Variants in CHDH observed in about 807,000 individuals in gnomAD.
CHDH encodes the protein choline dehydrogenase, mitochondrial.
A neutral mutation model predicts 56.9 loss-of-function variants in CHDH; 43 were observed. That is an observed-to-expected ratio of 0.76 (90% CI 0.59 to 0.97). CHDH has a LOEUF of 0.97. CHDH is among the 50% of genes least tolerant of loss of function. The probability of loss-of-function intolerance (pLI) is 0.00; values close to 1 mark genes in which losing one functional copy is unlikely to be tolerated. For missense variants in CHDH, 816 were observed against 821.1 expected (o/e 0.99, Z 0.08); for synonymous variants, 364 against 348.5 (o/e 1.04, Z -0.50).
chr3:53,820,488 A>G lies in CHDH; in HGVS notation c.1106T>C (p.Leu369Pro), dbSNP rs774781009. Reference sequence around the variant, plus strand: ...AGCGTGCTCACCTGTGAATTTCCAGAGCCACTCCAGACCAATGCAGACCTT... The same window carrying G: ...AGCGTGCTCACCTGTGAATTTCCAGGGCCACTCCAGACCAATGCAGACCTT... Reference protein sequence around the residue: ...LRKVCIGLEWLWKFTGEGATA... With the variant: ...LRKVCIGLEWPWKFTGEGATA... The change falls in exon 6 of 9, where the codon CTC (leucine) becomes CCC (proline). Residue 369 changes from leucine (L) to proline (P), a missense_variant. By Grantham distance (98) the Leu-to-Pro change is moderately conservative. Coordinates refer to ENST00000315251, the MANE Select transcript of CHDH (RefSeq NM_018397.5). 2 of 1,612,642 alleles carry G rather than the reference A, an allele frequency of 1.2e-6. No homozygotes were observed. The highest frequency in any genetic ancestry group is 1.7e-6 in the Non-Finnish European group (2 of 1,179,270).
chr3:53,821,596 C>G, intron 5 of CHDH, 51 bp downstream of exon 5: 1 of 1,560,764 alleles, frequency 6.4e-7, no homozygotes, highest in Non-Finnish European at 8.8e-7. Context: ...TACACTAAGC[C>G]TTTTGTTGAG....
Position 53,819,373 on chromosome 3 carries a change from T to A in CHDH, c.1263+159A>T, listed in dbSNP as rs1241318087. Among the ~76,000 whole-genome samples, 3 of 152,166 alleles carry A rather than the reference T, an allele frequency of 2.0e-5. No individual in the cohort carries two copies. Among genetic ancestry groups the A allele is most frequent in the African/African-American group, 7.2e-5 (3 of 41,436 alleles). ...TACCATTGGCATGCACCACGCAGACTGACACGCTGGGCAGCTGGAAGGCAG... is the reference window on the plus strand; with the variant it reads ...TACCATTGGCATGCACCACGCAGACAGACACGCTGGGCAGCTGGAAGGCAG... On this transcript the variant is annotated intron_variant, in intron 7 of 8. Transcript: ENST00000315251. This position sits in a 1 kb window ranked among gnomAD's most constrained non-coding sequence, Gnocchi z 5.4.
At chr3:53,828,057 C>T (rs2095642059) in intron 2 of CHDH, among the ~76,000 whole-genome samples, 1 of 151,976 alleles carries the variant, frequency 6.6e-6, no homozygotes, top group African/African-American at 2.4e-5. Context: ...ACAGAGAGCC[C>T]AGAAATAGAC....
In CHDH at chr3:53,823,705, T is replaced by C; in HGVS notation, c.304A>G (p.Arg102Gly). ...TCTGTGTGGTAGCACCAGTTGTACCTGTCGTCGCACAGGTTGGCCACCAGG... is the reference window on the plus strand; with the variant it reads ...TCTGTGTGGTAGCACCAGTTGTACCCGTCGTCGCACAGGTTGGCCACCAGG... ...AALVANLCDD[R>G]YNWCYHTEVQ... is the part of the protein sequence containing the mutation. Residue 102 changes from arginine (R) to glycine (G), a missense_variant, in exon 3 of 9, where the codon AGG becomes GGG. Transcript: ENST00000315251. 2.6e-6 allele frequency: 4 copies of C among 1,550,408 alleles called. No homozygotes were observed. The highest frequency in any genetic ancestry group is 1.2e-5 in the South Asian group (1 of 84,262).
At chr3:53,844,035 C>T (rs1013024809) in intron 1 of CHDH, among the ~76,000 whole-genome samples, 3 of 152,206 alleles carry the variant, frequency 2.0e-5, no homozygotes, top group Non-Finnish European at 4.4e-5. Context: ...GGCAGACACA[C>T]CTGTTTGCCC....
Position 53,823,812 on chromosome 3 carries a change from C to A in CHDH, c.197G>T (p.Arg66Leu). The change falls in exon 3 of 9, where the codon CGC (arginine) becomes CTC (leucine). Residue 66 changes from arginine to leucine, a missense_variant. Arg to Leu is a moderately radical substitution (Grantham distance 102). Transcript: ENST00000315251. Reference sequence around the variant, plus strand: ...GGGCCCGGCCTCCAGCAGCAGCACGCGCTCGGCGGGGTCCTCCGTGAGCCT... The same window carrying A: ...GGGCCCGGCCTCCAGCAGCAGCACGAGCTCGGCGGGGTCCTCCGTGAGCCT... The part of the protein sequence containing the change: ...AGRLTEDPAE[R>L]VLLLEAGPKD... The A allele has an allele frequency of 6.3e-7, 1 of 1,584,516 alleles. No individual in the cohort carries two copies. The highest frequency in any genetic ancestry group is 8.5e-7 in the Non-Finnish European group (1 of 1,170,756).
At chr3:53,840,094 G>A (rs1698624522) in intron 2 of CHDH, among the ~76,000 whole-genome samples, 1 of 152,122 alleles carries the variant, frequency 6.6e-6, no homozygotes, top group Non-Finnish European at 1.5e-5. Flanking sequence ...AAGATAGACA[G>A]TTAGATAGAA....
At chr3:53,839,868 A>G (rs1433610802) in intron 2 of CHDH, among the ~76,000 whole-genome samples, 1 of 152,254 alleles carries the variant, frequency 6.6e-6, no homozygotes, top group African/African-American at 2.4e-5. Context: ...TACACAATGG[A>G]GTACTATTCA....
At chr3:53,820,238 GC>G (rs2095623630) in intron 6 of CHDH, among the ~76,000 whole-genome samples, 1 of 152,216 alleles carries the variant, frequency 6.6e-6, no homozygotes, top group Non-Finnish European at 1.5e-5. Context: ...CTCACCTCCA[GC>G]AGGCCCTGGG....
chr3:53,828,153 G>A (rs1380634346), intron 2 of CHDH, among the ~76,000 whole-genome samples: 1 of 125,336 alleles, frequency 8.0e-6, no homozygotes, highest in Non-Finnish European at 1.6e-5. Flanking sequence ...AAGGGAGCTG[G>A]AATAACTAGA....
Position 53,823,366 on chromosome 3 carries a change from C to T in CHDH, c.643G>A (p.Glu215Lys), listed in dbSNP as rs1379873505. The T allele has an allele frequency of 1.9e-6, 3 of 1,604,466 alleles. No homozygotes were observed. The highest frequency in any genetic ancestry group is 2.6e-6 in the Non-Finnish European group (3 of 1,175,020). ...ATQQAGYPLT[E>K]DMNGFQQEGF... ...TCCTGCTGGAAGCCATTCATGTCCTCGGTGAGCGGGTAGCCGGCCTGCTGC... is the reference window on the plus strand; with the variant it reads ...TCCTGCTGGAAGCCATTCATGTCCTTGGTGAGCGGGTAGCCGGCCTGCTGC... Residue 215 changes from glutamate (E) to lysine (K), a missense_variant, in exon 3 of 9, where the codon GAG becomes AAG. Glu to Lys is a moderately conservative substitution (Grantham distance 56, BLOSUM62 1). Coordinates refer to ENST00000315251, the MANE Select transcript of CHDH (RefSeq NM_018397.5).
intron 3 of CHDH, 21 bp from the exon 4 acceptor site, chr3:53,822,663 G>A (rs376742697): frequency 1.4e-5 from 23 of 1,600,588 alleles, no homozygotes; most frequent in Non-Finnish European, 1.8e-5. Context: ...GAGTGAGGTG[G>A]TCAGGCATGG....
At chr3:53,818,290 G>A in intron 8 of CHDH, 95 bp from the exon 9 acceptor site, 1 of 1,156,302 alleles carries the variant, frequency 8.6e-7, no homozygotes, top group African/African-American at 1.5e-5. Flanking sequence ...TAAGCTGTCT[G>A]AGGGGATGGT....
chr3:53,840,969 CG>C lies in CHDH; in HGVS notation c.-101del, dbSNP rs1698654573. 1 of 152,092 alleles carries C rather than the reference CG, an allele frequency of 6.6e-6. No homozygotes were observed. The highest frequency in any genetic ancestry group is 2.4e-5 in the African/African-American group (1 of 41,414). 9.4% of individuals were successfully genotyped at this position (152,092 alleles called of 1,614,324 possible). A position where few individuals can be genotyped will look rare whatever the true frequency, so the allele number is the denominator to read the frequency against. On this transcript the variant is annotated 5_prime_UTR_variant, in exon 2 of 9. Transcript: ENST00000315251. ...GACAGGATACGGTGCACTCTGTGACCGGGGCTGGCCTACACACTCTTTGTGA... is the reference window on the plus strand; with the variant it reads ...GACAGGATACGGTGCACTCTGTGACCGGGCTGGCCTACACACTCTTTGTGA...
Position 53,814,408 on chromosome 3 carries a change from C to A in CHDH, c.*3369G>T, listed in dbSNP as rs1394215066. 6.6e-6 allele frequency: 1 copy of A among 152,170 alleles called. No individual in the cohort carries two copies. Among genetic ancestry groups the A allele is most frequent in the Non-Finnish European group, 1.5e-5 (1 of 68,038 alleles). 9.4% of individuals were successfully genotyped at this position (152,170 alleles called of 1,614,324 possible). On this transcript the variant is annotated 3_prime_UTR_variant, in exon 9 of 9. Coordinates refer to ENST00000315251, the MANE Select transcript of CHDH (RefSeq NM_018397.5). ...ATGTTATTTCTCTAAAACAGTATTT[C>A]TTTTCCTCTCCTGGGGACTAGGAGG...
In CHDH at chr3:53,817,417, G is replaced by T. The variant is rs140389543; in HGVS notation, c.*360C>A. 1.0e-4 allele frequency: 25 copies of T among 240,640 alleles called. No homozygotes were observed. Among genetic ancestry groups the T allele is most frequent in the African/African-American group, 5.1e-4 (23 of 44,746 alleles). The allele number at this position is 240,640 out of a possible 1,614,324, so 14.9% of individuals were successfully genotyped here. A position where few individuals can be genotyped will look rare whatever the true frequency, so the allele number is the denominator to read the frequency against. The stretch of plus-strand genomic sequence containing the variant: ...GGCAGGCACCCAGCCTCTGTGCATG[G>T]CCTGGGAAGGAACCACTGCCCTGGG... On this transcript the variant is annotated 3_prime_UTR_variant, in exon 9 of 9. Coordinates refer to ENST00000315251, the MANE Select transcript of CHDH (RefSeq NM_018397.5).
At position 53,818,147 on chromosome 3, in the gene CHDH, A is replaced by G; in HGVS notation, c.1415T>C (p.Ile472Thr). The G allele has an allele frequency of 6.2e-7, 1 of 1,613,354 alleles. No individual in the cohort carries two copies. Among genetic ancestry groups the G allele is most frequent in the South Asian group, 1.1e-5 (1 of 90,952 alleles). The change falls in exon 9 of 9, where the codon ATT becomes ACT. Residue 472 changes from isoleucine (I) to threonine (T), a missense_variant. Physicochemically the swap from Ile to Thr is moderately conservative, Grantham distance 89. Transcript: ENST00000315251. Reference protein sequence around the residue: ...FRLCVKLTREIFAQEALAPFR... With the variant: ...FRLCVKLTRETFAQEALAPFR... The stretch of plus-strand genomic sequence containing the variant: ...CGGAGCCAGGGCTTCCTGTGCAAAA[A>G]TTTCTCTGGTGAGCTTCACACACAG...
In CHDH at chr3:53,840,944, G is replaced by A. The variant is rs1388132301; in HGVS notation, c.-75C>T. ...AAATACCCACCTCACATCCAGAAGT[G>A]ACAGGATACGGTGCACTCTGTGACC... On this transcript the variant is annotated 5_prime_UTR_variant, in exon 2 of 9. Transcript: ENST00000315251. 6.6e-6 allele frequency: 1 copy of A among 152,072 alleles called. No homozygotes were observed. Among genetic ancestry groups the A allele is most frequent in the Non-Finnish European group, 1.5e-5 (1 of 68,000 alleles). 9.4% of individuals were successfully genotyped at this position (152,072 alleles called of 1,614,324 possible).
intron 2 of CHDH, among the ~76,000 whole-genome samples, chr3:53,836,267 T>A (rs565923857): frequency 1.6e-4 from 25 of 152,144 alleles, no homozygotes; most frequent in Admixed American, 1.4e-3. Flanking sequence ...CAGGCCTCCA[T>A]CTCCCTAAGA....
Sources: allele counts gnomAD v4.1 joint callset (sites outside exome capture counted in the v4.1 genomes callset), GRCh38; gene constraint gnomAD v4.1.1; non-coding constraint Gnocchi (gnomAD v3.1); transcripts MANE v1.5; gene names NCBI Gene and HGNC (gene_info 2026-07-23, HGNC 2026-07-21).